NSD1: variants seen among roughly 807,000 people sequenced by gnomAD.
NSD1 encodes nuclear receptor binding SET domain protein 1.
In NSD1, 26 loss-of-function variants were observed where a neutral mutation model predicts 242.7. The ratio of observed to expected loss-of-function variants is 0.11; its 90% CI spans 0.08 to 0.15. The LOEUF is 0.15. Among genes scored for constraint, NSD1 ranks in the 10% least tolerant of loss-of-function variants. The pLI, the probability that NSD1 is intolerant of heterozygous loss-of-function variation, is 1.00. For synonymous variants in NSD1, 1,106 were observed against 1,178.1 expected, an observed-to-expected ratio of 0.94 and a Z score of 1.25; for missense variants, 2,495 against 3,272.8, an observed-to-expected ratio of 0.76 and a Z score of 5.80.
rs1169638322 is a variant in NSD1 at position 177,211,448 on chromosome 5, A to T, written c.3049A>T (p.Thr1017Ser). The T allele has an allele frequency of 6.2e-7, 1 of 1,614,170 alleles. No individual in the cohort carries two copies. Among genetic ancestry groups the T allele is most frequent in the Admixed American group, 1.7e-5 (1 of 60,030 alleles). The change falls in exon 5 of 23, where the codon ACT becomes TCT. Residue 1017 changes from threonine (T) to serine (S), a missense_variant. Physicochemically the swap from Thr to Ser is moderately conservative, Grantham distance 58. This residue lies in a region of NSD1 where 426 missense variants were observed against 411.4 expected (regional missense o/e 1.04). Coordinates refer to ENST00000439151, the MANE Select transcript of NSD1 (RefSeq NM_022455.5). ...ASGKSRSDCV[T>S]RRNCGRSKPS... is the part of the protein sequence containing the mutation. ...TGGTAAAAGTCGTTCAGACTGTGTT[A>T]CTAGGCGCAACTGTGGACGATCAAA...
intron 10 of NSD1, among the ~76,000 whole-genome samples, chr5:177,247,711 G>T (rs181685297): frequency 1.3e-5 from 2 of 152,236 alleles, no homozygotes; most frequent in East Asian, 3.9e-4. Flanking sequence ...CCATTTACTT[G>T]CAAAGCATCA....
intron 2 of NSD1, among the ~76,000 whole-genome samples, chr5:177,138,828 G>T (rs1244635111): frequency 6.7e-6 from 1 of 149,976 alleles, no homozygotes; most frequent in Non-Finnish European, 1.5e-5. Flanking sequence ...TAGTAGAGAT[G>T]GGGTTTTACC....
chr5:177,229,721 A>G, intron 5 of NSD1: 1 of 395,284 alleles, frequency 2.5e-6, no homozygotes, highest in Non-Finnish European at 5.0e-6. Context: ...AAGCCTAGCA[A>G]CAGCCAGGAA....
intron 18 of NSD1, among the ~76,000 whole-genome samples, chr5:177,281,473 C>G (rs1050894504): frequency 6.6e-6 from 1 of 151,742 alleles, no homozygotes; most frequent in Non-Finnish European, 1.5e-5. Flanking sequence ...CTGTATGTGC[C>G]AGGTATTGTG....
In NSD1 at chr5:177,210,803, G is replaced by A. The variant is rs780801900; in HGVS notation, c.2404G>A (p.Glu802Lys). Reference sequence around the variant, plus strand: ...ACACAAAGAAAATCCAGTTATGGCAGAACCCCCAGTTATAAATGAGGAGTG... The same window carrying A: ...ACACAAAGAAAATCCAGTTATGGCAAAACCCCCAGTTATAAATGAGGAGTG... Reference protein sequence around the residue: ...CKHKENPVMAEPPVINEECSL... With the variant: ...CKHKENPVMAKPPVINEECSL... The change falls in exon 5 of 23, where the codon GAA becomes AAA. Residue 802 changes from glutamate to lysine, a missense_variant. Around this residue, in one of 19 missense-constraint regions of NSD1, gnomAD observed 515 missense variants for 467.0 expected, o/e 1.10. Transcript: ENST00000439151. The A allele has an allele frequency of 2.5e-6, 4 of 1,614,150 alleles. No individual in the cohort carries two copies. The highest frequency in any genetic ancestry group is 3.4e-6 in the Non-Finnish European group (4 of 1,180,020).
intron 22 of NSD1, 52 bp from the exon 23 acceptor site, chr5:177,293,780 G>A: frequency 6.3e-7 from 1 of 1,598,514 alleles, no homozygotes. Context: ...CTTGGCCCAT[G>A]TGATATGTAT....
intron 20 of NSD1, among the ~76,000 whole-genome samples, chr5:177,286,180 T>C (rs1398006772): frequency 2.6e-5 from 4 of 152,200 alleles, no homozygotes; most frequent in Admixed American, 2.0e-4. Context: ...AAATTTAATC[T>C]ATGGGACTTC....
At chr5:177,131,999 G>A (rs543970240), upstream of NSD1, among the ~76,000 whole-genome samples, 3 of 152,242 alleles carry the variant, frequency 2.0e-5, no homozygotes, top group Admixed American at 6.5e-5. Flanking sequence ...AAGGGCCCGA[G>A]GGGCTGGAGT....
At chr5:177,139,148 G>A (rs1756595340) in intron 2 of NSD1, among the ~76,000 whole-genome samples, 1 of 151,964 alleles carries the variant, frequency 6.6e-6, no homozygotes, top group Non-Finnish European at 1.5e-5. Flanking sequence ...CTATTTGGGA[G>A]GCTGAGGCAG....
At chr5:177,175,871 CA>C (rs1760151372) in intron 2 of NSD1, among the ~76,000 whole-genome samples, 1 of 151,662 alleles carries the variant, frequency 6.6e-6, no homozygotes, top group Non-Finnish European at 1.5e-5. Context: ...TATTCGATTG[CA>C]AAAATTCTTT....
intron 2 of NSD1, among the ~76,000 whole-genome samples, chr5:177,138,626 A>G (rs1275536450): frequency 6.6e-6 from 1 of 151,018 alleles, no homozygotes; most frequent in East Asian, 2.0e-4. Context: ...TTTGCCTTTG[A>G]TATTTTTAAA....
intron 11 of NSD1, among the ~76,000 whole-genome samples, chr5:177,250,808 C>A (rs1269413534): frequency 6.6e-6 from 1 of 152,170 alleles, no homozygotes; most frequent in Non-Finnish European, 1.5e-5. Flanking sequence ...CTTAAGTGAT[C>A]AAGACCTATT....
chr5:177,192,072 C>CA (rs1467719120), intron 3 of NSD1, 53 bp downstream of exon 3: 8 of 1,478,498 alleles, frequency 5.4e-6, no homozygotes, highest in Admixed American at 1.9e-5. Context: ...TAGAATAACT[C>CA]AATTTTTGTT....
In NSD1 at chr5:177,158,998, T is replaced by TTATATATATATATATATGAATGA. The variant is rs1183569859; in HGVS notation, c.927+22985_927+22986insGAATGATATATATATATATATAT. On this transcript the variant is annotated intron_variant, in intron 2 of 22. Transcript: ENST00000439151. ...TATACACACATATATATGAATGATT[T>TTATATATATATATATATGAATGA]TATATATATATATATATATATATAT... 3.3e-3 allele frequency among the ~76,000 whole-genome samples: 402 copies of TTATATATATATATATATGAATGA among 122,592 alleles called. 13 individuals are homozygous for TTATATATATATATATATGAATGA. The highest frequency in any genetic ancestry group is 0.015 in the African/African-American group (384 of 26,310). 80.4% of individuals were successfully genotyped at this position (122,592 alleles called of 152,430 possible).
intron 17 of NSD1, among the ~76,000 whole-genome samples, chr5:177,276,578 G>A (rs1377782698): frequency 2.0e-5 from 3 of 152,038 alleles, no homozygotes; most frequent in African/African-American, 4.8e-5. Context: ...TGCCCGCCTC[G>A]GTCTCCCAAA....
At chr5:177,204,357 C>G (rs1471733670) in intron 4 of NSD1, 65 bp downstream of exon 4, 1 of 1,451,364 alleles carries the variant, frequency 6.9e-7, no homozygotes, top group Non-Finnish European at 9.6e-7. Flanking sequence ...AGAAAATGGC[C>G]TCTTATTTAT....
At position 177,300,154 on chromosome 5, in the gene NSD1, T is replaced by G. The variant is rs1760526873; in HGVS notation, c.*4695T>G. The stretch of plus-strand genomic sequence containing the variant: ...GTTAGGAGTCCCCATAAACATGTAC[T>G]GTAATTCTTTGTATATAGAAAAAAA... On this transcript the variant is annotated 3_prime_UTR_variant, in exon 23 of 23. Coordinates refer to ENST00000439151, the MANE Select transcript of NSD1 (RefSeq NM_022455.5). 4.6e-6 allele frequency: 1 copy of G among 216,892 alleles called. No homozygotes were observed. The highest frequency in any genetic ancestry group is 2.3e-5 in the African/African-American group (1 of 43,506). The allele number at this position is 216,892 out of a possible 1,614,324, so 13.4% of individuals were successfully genotyped here. A position where few individuals can be genotyped will look rare whatever the true frequency, so the allele number is the denominator to read the frequency against.
chr5:177,252,870 G>A (rs1225149032), intron 12 of NSD1, among the ~76,000 whole-genome samples: 1 of 150,614 alleles, frequency 6.6e-6, no homozygotes, highest in Admixed American at 6.6e-5. Flanking sequence ...CAGGGCTGAG[G>A]TATAGATCTT....
intron 5 of NSD1, 33 bp from the exon 6 acceptor site, chr5:177,235,788 T>C: frequency 6.2e-7 from 1 of 1,613,792 alleles, no homozygotes; most frequent in South Asian, 1.1e-5. Context: ...TGAAGCTTTT[T>C]GATTAATGTT....
Sources: gnomAD v4.1 joint callset for allele counts (sites outside exome capture counted in the v4.1 genomes callset) on GRCh38, gnomAD v4.1.1 for gene constraint, gnomAD v4.1.1 regional missense constraint, MANE v1.5 for transcripts, NCBI Gene and HGNC (gene_info 2026-07-23, HGNC 2026-07-21) for gene names.